BCAS3: variants seen among roughly 807,000 people sequenced by gnomAD.
BCAS3 encodes BCAS4/BCAS3 fusion.
BCAS3 carries 53 observed loss-of-function variants against 116.1 expected under a neutral mutation model. The ratio of observed to expected loss-of-function variants is 0.46; its 90% confidence interval spans 0.37 to 0.57. BCAS3 has a LOEUF of 0.57. BCAS3 is among the 20% of genes least tolerant of loss of function. The pLI is 0.00. For missense variants in BCAS3, 917 were observed against 1,165.4 expected (o/e 0.79, Z 3.10); for synonymous variants, 391 against 408.2 (o/e 0.96, Z 0.51).
intron 22 of BCAS3, among the ~76,000 whole-genome samples, chr17:61,345,085 C>A (rs1448751209): frequency 6.6e-6 from 1 of 152,184 alleles, no homozygotes; most frequent in African/African-American, 2.4e-5. Context: ...GGATGCCACT[C>A]AGCCTCACAC....
At chr17:60,765,972 C>T (rs539822684) in intron 6 of BCAS3, among the ~76,000 whole-genome samples, 2 of 152,230 alleles carry the variant, frequency 1.3e-5, no homozygotes, top group African/African-American at 4.8e-5. Context: ...TCCATTAGAT[C>T]GAATCGGCTA....
intron 14 of BCAS3, among the ~76,000 whole-genome samples, chr17:60,988,289 A>T (rs1173849769): frequency 2.9e-5 from 4 of 138,004 alleles, no homozygotes; most frequent in South Asian, 2.3e-4. Flanking sequence ...AGTCTAGTCT[A>T]GTCTTGTCTG....
At chr17:61,370,567 A>G (rs1310779012) in intron 23 of BCAS3, among the ~76,000 whole-genome samples, 1 of 152,020 alleles carries the variant, frequency 6.6e-6, no homozygotes, top group Admixed American at 6.6e-5. Flanking sequence ...TTTTGCGTTT[A>G]TGATAGAGAC....
intron 10 of BCAS3, among the ~76,000 whole-genome samples, chr17:60,897,901 T>A (rs914784445): frequency 8.6e-5 from 11 of 128,584 alleles, no homozygotes; most frequent in African/African-American, 2.7e-4. Context: ...ATTTTTATTT[T>A]ATTTTTATTT....
intron 12 of BCAS3, among the ~76,000 whole-genome samples, chr17:60,911,626 G>A (rs989647970): frequency 6.6e-6 from 1 of 151,320 alleles, no homozygotes; most frequent in Non-Finnish European, 1.5e-5. Context: ...GTAGAGACGC[G>A]GTTTCGCCGT....
rs2054150140 is a variant in BCAS3 at position 61,309,745 on chromosome 17, G to A, written c.2426-58582G>A. 6.6e-6 allele frequency among the ~76,000 whole-genome samples: 1 copy of A among 152,162 alleles called. No individual in the cohort carries two copies. The highest frequency in any genetic ancestry group is 6.5e-5 in the Admixed American group (1 of 15,276). Reference sequence around the variant, plus strand: ...ATTGCGGAACAGCTGCTGTGGAAAAGTAGTGGCCTGTTTATGGGTTGAGGA... The same window carrying A: ...ATTGCGGAACAGCTGCTGTGGAAAAATAGTGGCCTGTTTATGGGTTGAGGA... On this transcript the variant is annotated intron_variant, in intron 22 of 23. Coordinates refer to ENST00000407086, the MANE Select transcript of BCAS3 (RefSeq NM_017679.5). This position sits in a 1 kb window ranked among gnomAD's most constrained non-coding sequence, Gnocchi z 4.6.
intron 22 of BCAS3, among the ~76,000 whole-genome samples, chr17:61,254,103 G>A (rs541035484): frequency 1.3e-5 from 2 of 152,220 alleles, no homozygotes; most frequent in East Asian, 3.9e-4. Flanking sequence ...AGACAAGCCC[G>A]AGGAAAAAAC....
At position 61,235,045 on chromosome 17, in the gene BCAS3, T is replaced by A. The variant is rs537591024; in HGVS notation, c.2426-133282T>A. On this transcript the variant is annotated intron_variant, in intron 22 of 23. Transcript: ENST00000407086. This position sits in a 1 kb window ranked among gnomAD's most constrained non-coding sequence, Gnocchi z 5.0. ...TGGGACTATAGGCGCACGCCACCAC[T>A]CCTGGCTAAGTTTTGTATTTTAGTA... 1.3e-5 allele frequency among the ~76,000 whole-genome samples: 2 copies of A among 151,990 alleles called. No individual in the cohort carries two copies. The highest frequency in any genetic ancestry group is 2.4e-5 in the African/African-American group (1 of 41,378).
intron 9 of BCAS3, among the ~76,000 whole-genome samples, chr17:60,887,789 C>T (rs771660319): frequency 2.0e-5 from 3 of 152,126 alleles, no homozygotes; most frequent in Non-Finnish European, 2.9e-5. Flanking sequence ...ATTCAGGTCA[C>T]CTCTCCATTA....
At chr17:61,375,071 G>A (rs571037022) in intron 23 of BCAS3, among the ~76,000 whole-genome samples, 1 of 152,290 alleles carries the variant, frequency 6.6e-6, no homozygotes, top group African/African-American at 2.4e-5. Context: ...TACTGAAAGG[G>A]CTGCGCCTTT....
intron 22 of BCAS3, among the ~76,000 whole-genome samples, chr17:61,166,740 A>G (rs4968534): frequency 6.6e-6 from 1 of 151,912 alleles, no homozygotes; most frequent in African/African-American, 2.4e-5. Context: ...TAGAGACATC[A>G]TCTCACTCCG....
At chr17:61,092,317 T>G (rs2073641540) in intron 22 of BCAS3, among the ~76,000 whole-genome samples, 1 of 152,314 alleles carries the variant, frequency 6.6e-6, no homozygotes, top group African/African-American at 2.4e-5. Flanking sequence ...TTTTTATAAG[T>G]CTGTCTGTCT....
intron 22 of BCAS3, among the ~76,000 whole-genome samples, chr17:61,291,815 G>A (rs919034976): frequency 6.6e-6 from 1 of 152,082 alleles, no homozygotes; most frequent in Non-Finnish European, 1.5e-5. Context: ...TGCGTGTGTC[G>A]GTGTGTGCCC....
chr17:61,356,453 G>A lies in BCAS3; in HGVS notation c.2426-11874G>A, dbSNP rs1332950608. ...TCAGCCTGACTTGGAAAGCTCTCTT[G>A]TTCCCTGAAGCACCTCCATGTTTGT... On this transcript the variant is annotated intron_variant, in intron 22 of 23. Coordinates refer to ENST00000407086, the MANE Select transcript of BCAS3 (RefSeq NM_017679.5). This position sits in a 1 kb window ranked among gnomAD's most constrained non-coding sequence, Gnocchi z 5.4. Among the ~76,000 whole-genome samples, 1 of 152,228 alleles carries A rather than the reference G, an allele frequency of 6.6e-6. No homozygotes were observed. The highest frequency in any genetic ancestry group is 2.4e-5 in the African/African-American group (1 of 41,456).
intron 14 of BCAS3, among the ~76,000 whole-genome samples, chr17:60,963,477 T>G (rs1479383766): frequency 6.6e-6 from 1 of 152,116 alleles, no homozygotes; most frequent in Non-Finnish European, 1.5e-5. Context: ...TTTTATATTT[T>G]TGTAGCTATT....
chr17:60,952,237 C>G (rs1307582693), intron 14 of BCAS3, among the ~76,000 whole-genome samples: 2 of 152,090 alleles, frequency 1.3e-5, no homozygotes, highest in African/African-American at 4.8e-5. Context: ...TGGGTTTGCA[C>G]ATTTTTCTTT....
chr17:61,050,679 G>A lies in BCAS3; in HGVS notation c.2029+9787G>A, dbSNP rs151321937. ...ATATCAATACTCATTAGTTATAAACGGACATTCTAATAAAAAATGAGATTG... is the reference window on the plus strand; with the variant it reads ...ATATCAATACTCATTAGTTATAAACAGACATTCTAATAAAAAATGAGATTG... On this transcript the variant is annotated intron_variant, in intron 19 of 23. Transcript: ENST00000407086. Among the ~76,000 whole-genome samples the A allele has an allele frequency of 2.8e-3, 423 of 151,968 alleles. 3 individuals carry two copies. The highest frequency in any genetic ancestry group is 6.8e-3 in the Middle Eastern group (2 of 294).
chr17:61,388,619 G>GA lies in BCAS3; in HGVS notation c.2594-3349dup, dbSNP rs756350876. On this transcript the variant is annotated intron_variant, in intron 23 of 23. Transcript: ENST00000407086. The surrounding 1 kb of genome is among the most constrained non-coding windows in gnomAD (Gnocchi z 6.5). ...CCTCAATGCTTTTCTTTTCAAAAGG[G>GA]AAAAAAAAAGGAAAAAAAAAACAAT... 405 of 1,504,280 alleles carry GA rather than the reference G, an allele frequency of 2.7e-4. No homozygotes were observed. Among genetic ancestry groups the GA allele is most frequent in the Middle Eastern group, 6.8e-4 (4 of 5,888 alleles). 93.2% of individuals were successfully genotyped at this position (1,504,280 alleles called of 1,614,324 possible).
At chr17:60,763,726 G>A (rs1445707676) in intron 6 of BCAS3, among the ~76,000 whole-genome samples, 2 of 152,138 alleles carry the variant, frequency 1.3e-5, no homozygotes, top group Admixed American at 6.5e-5. Flanking sequence ...GAGTTAGGGA[G>A]GGTTCCCTCT....
Sources: allele counts gnomAD v4.1 joint callset (sites outside exome capture counted in the v4.1 genomes callset), GRCh38; gene constraint gnomAD v4.1.1; non-coding constraint Gnocchi (gnomAD v3.1); transcripts MANE v1.5; gene names NCBI Gene and HGNC (gene_info 2026-07-23, HGNC 2026-07-21).